The following PHACTR1 variants were observed in gnomAD, a reference collection of about 807,000 sequenced individuals.
PHACTR1 encodes the protein RPEL repeat containing 1.
PHACTR1 carries 16 observed loss-of-function variants against 69.2 expected under a neutral mutation model. The observed-to-expected ratio is 0.23, with a 90% CI of 0.16 to 0.35. The LOEUF (loss-of-function observed/expected upper bound fraction) is 0.35. PHACTR1 is among the 10% of genes least tolerant of loss of function. The probability of loss-of-function intolerance (pLI) is 1.00; values close to 1 mark genes in which losing one functional copy is unlikely to be tolerated. For missense variants in PHACTR1, 510 were observed against 734.7 expected (o/e 0.69, Z 3.54); for synonymous variants, 312 against 284.5 (o/e 1.10, Z -0.97).
rs4053020 is a variant in PHACTR1, at chr6:13,179,701, GAGATAGATAGATAGATAGAT to G, written c.497-2790_497-2771del. On this transcript the variant is annotated intron_variant, in intron 6 of 14. Transcript: ENST00000332995. The surrounding 1 kb of genome is among the most constrained non-coding windows in gnomAD (Gnocchi z 4.2). ...AGGTAGGTAGATAGATAAGTAGATAGAGATAGATAGATAGATAGATAGATAGATAGATAGATAGATAGATA... is the reference window on the plus strand; with the variant it reads ...AGGTAGGTAGATAGATAAGTAGATAGAGATAGATAGATAGATAGATAGATA... Among the ~76,000 whole-genome samples, 23,508 of 148,356 alleles carry G rather than the reference GAGATAGATAGATAGATAGAT, an allele frequency of 0.16. 1,887 individuals are homozygous for G. Among genetic ancestry groups the G allele is most frequent in the East Asian group, 0.23 (1,179 of 5,064 alleles).
intron 7 of PHACTR1, among the ~76,000 whole-genome samples, chr6:13,204,075 C>G (rs926045694): frequency 1.3e-5 from 2 of 152,006 alleles, no homozygotes; most frequent in Non-Finnish European, 2.9e-5. Context: ...TTTTCAGGTG[C>G]CATAGGTAAG....
chr6:13,236,379 C>T (rs1326173593), intron 10 of PHACTR1, among the ~76,000 whole-genome samples: 2 of 152,084 alleles, frequency 1.3e-5, no homozygotes, highest in Non-Finnish European at 2.9e-5. Flanking sequence ...TAACAGAGTC[C>T]CACAAATCAA....
chr6:12,783,839 A>G (rs1474582381), intron 4 of PHACTR1, among the ~76,000 whole-genome samples: 1 of 152,214 alleles, frequency 6.6e-6, no homozygotes, highest in Non-Finnish European at 1.5e-5. Context: ...TAAAATAGTG[A>G]AATAATAAAT....
intron 4 of PHACTR1, among the ~76,000 whole-genome samples, chr6:12,764,475 A>G (rs1768379662): frequency 6.6e-6 from 1 of 152,182 alleles, no homozygotes; most frequent in Non-Finnish European, 1.5e-5. Flanking sequence ...CTTAAGAGAA[A>G]ATAATGATGT....
chr6:12,965,315 T>G (rs1464332061), intron 4 of PHACTR1, among the ~76,000 whole-genome samples: 3 of 152,202 alleles, frequency 2.0e-5, no homozygotes, highest in Non-Finnish European at 4.4e-5. Flanking sequence ...AATCAGTCCT[T>G]GTGGCGTTTT....
In PHACTR1 at chr6:13,041,291, TAATC is replaced by T. The variant is rs1255711325; in HGVS notation, c.251-12071_251-12068del. ...GCAGGGTTCCTTACTTTCTGAGTAA[TAATC>T]AAAACAAGTCCAAGTTAGAGCCACT... is the stretch of plus-strand genomic sequence containing the variant. On this transcript the variant is annotated intron_variant, in intron 4 of 14. Coordinates refer to ENST00000332995, the MANE Select transcript of PHACTR1 (RefSeq NM_030948.6). Among the ~76,000 whole-genome samples, 12 of 148,140 alleles carry T rather than the reference TAATC, an allele frequency of 8.1e-5. No homozygotes were observed. In the East Asian group the frequency reaches 1.2e-3, roughly 15 times the overall value.
chr6:12,735,653 A>G (rs976148139), intron 3 of PHACTR1, among the ~76,000 whole-genome samples: 1 of 152,240 alleles, frequency 6.6e-6, no homozygotes, highest in Non-Finnish European at 1.5e-5. Flanking sequence ...TCTTTCATTC[A>G]TGTATATACA....
chr6:13,225,897 G>T (rs561138871), intron 8 of PHACTR1, among the ~76,000 whole-genome samples: 2 of 152,278 alleles, frequency 1.3e-5, no homozygotes, highest in African/African-American at 2.4e-5. Flanking sequence ...AAATCCAAGC[G>T]CAGTTGGAAT....
intron 4 of PHACTR1, among the ~76,000 whole-genome samples, chr6:12,956,566 T>C (rs1791922740): frequency 6.6e-6 from 1 of 152,080 alleles, no homozygotes; most frequent in African/African-American, 2.4e-5. Flanking sequence ...AGCTTGCCCT[T>C]TCAGAAATGT....
chr6:12,938,569 T>G (rs1789726843), intron 4 of PHACTR1, among the ~76,000 whole-genome samples: 1 of 152,210 alleles, frequency 6.6e-6, no homozygotes, highest in Non-Finnish European at 1.5e-5. Context: ...AGGTATAATT[T>G]GGTATATAAT....
Position 13,276,753 on chromosome 6 carries a change from C to A in PHACTR1, c.1448-1515C>A, listed in dbSNP as rs1485445188. On this transcript the variant is annotated intron_variant, in intron 11 of 14. Transcript: ENST00000332995. ...TGCCACTGCACTCCAGCCTGGGCAA[C>A]AGAGCAAGACTCCATCTCAAAAAAA... 2.6e-5 allele frequency among the ~76,000 whole-genome samples: 4 copies of A among 151,856 alleles called. No individual in the cohort carries two copies. In the East Asian group the frequency reaches 7.7e-4, roughly 29 times the overall value.
At chr6:13,157,796 C>A (rs900203151) in intron 5 of PHACTR1, among the ~76,000 whole-genome samples, 11 of 152,166 alleles carry the variant, frequency 7.2e-5, no homozygotes, top group African/African-American at 2.7e-4. Context: ...CTGTAACAAA[C>A]CCCGTACTTA....
At chr6:12,903,046 T>C (rs1483313939) in intron 4 of PHACTR1, among the ~76,000 whole-genome samples, 1 of 152,122 alleles carries the variant, frequency 6.6e-6, no homozygotes. Flanking sequence ...AGCAAACGTC[T>C]TCATGAGAGG....
In PHACTR1 at chr6:13,044,021, A is replaced by G. The variant is rs564626326; in HGVS notation, c.251-9344A>G. Among the ~76,000 whole-genome samples the G allele has an allele frequency of 3.7e-3, 556 of 152,304 alleles. 2 individuals are homozygous for G. The highest frequency in any genetic ancestry group is 5.9e-3 in the Non-Finnish European group (398 of 68,026). Reference sequence around the variant, plus strand: ...ATAAAACAAGAATTTTGTACTGAATATCTAAGGAAGAATTTTGATAATAAC... The same window carrying G: ...ATAAAACAAGAATTTTGTACTGAATGTCTAAGGAAGAATTTTGATAATAAC... On this transcript the variant is annotated intron_variant, in intron 4 of 14. Transcript: ENST00000332995.
chr6:13,167,724 T>C (rs1760017444), intron 6 of PHACTR1, among the ~76,000 whole-genome samples: 1 of 152,216 alleles, frequency 6.6e-6, no homozygotes, highest in Admixed American at 6.5e-5. Flanking sequence ...AGTAATAAAG[T>C]ACATTGAGGT....
At chr6:13,191,389 C>T (rs1295216676) in intron 7 of PHACTR1, among the ~76,000 whole-genome samples, 1 of 152,146 alleles carries the variant, frequency 6.6e-6, no homozygotes, top group Non-Finnish European at 1.5e-5. Flanking sequence ...CGGCTCACCA[C>T]ACAGGGCACA....
At chr6:13,261,091 A>C (rs1230074794) in intron 10 of PHACTR1, among the ~76,000 whole-genome samples, 1 of 152,200 alleles carries the variant, frequency 6.6e-6, no homozygotes, top group Non-Finnish European at 1.5e-5. Flanking sequence ...TAGGAGGCAA[A>C]ATCACCCATG....
chr6:12,937,164 C>G (rs553699953), intron 4 of PHACTR1, among the ~76,000 whole-genome samples: 1 of 152,248 alleles, frequency 6.6e-6, no homozygotes, highest in South Asian at 2.1e-4. Context: ...TTCTGCCCAG[C>G]CACCTTTCTG....
chr6:13,090,071 T>C (rs926146087), intron 5 of PHACTR1, among the ~76,000 whole-genome samples: 8 of 152,158 alleles, frequency 5.3e-5, no homozygotes, highest in African/African-American at 1.9e-4. Context: ...TTGTTGTTTT[T>C]GAGACGGAGT....
Sources: gnomAD v4.1 joint callset for allele counts (sites outside exome capture counted in the v4.1 genomes callset) on GRCh38, gnomAD v4.1.1 for gene constraint, Gnocchi (gnomAD v3.1) non-coding constraint, MANE v1.5 for transcripts, NCBI Gene and HGNC (gene_info 2026-07-23, HGNC 2026-07-21) for gene names.